The following RYK variants were observed in gnomAD, a reference collection of about 807,000 sequenced individuals.
RYK encodes inactive tyrosine-protein kinase RYK.
Under a neutral mutation model 70.2 loss-of-function variants are expected in RYK, and 21 were observed. That is an observed-to-expected ratio of 0.30 (90% CI 0.21 to 0.43). The LOEUF (loss-of-function observed/expected upper bound fraction) is 0.43, where lower values mean the gene tolerates loss of function less well. RYK is among the 20% of genes least tolerant of loss of function. The pLI is 1.00. For synonymous variants in RYK, 267 were observed against 278.0 expected (o/e 0.96, Z 0.39); for missense variants, 604 against 753.3 (o/e 0.80, Z 2.32).
intron 13 of RYK, 149 bp from the exon 14 acceptor site, chr3:134,159,522 A>T: frequency 1.5e-6 from 1 of 670,196 alleles, no homozygotes; most frequent in Non-Finnish European, 2.4e-6. Context: ...TCTATCATAC[A>T]CAGTTAGTTT....
chr3:134,243,540 C>G (rs949314216), intron 1 of RYK, among the ~76,000 whole-genome samples: 3 of 152,202 alleles, frequency 2.0e-5, no homozygotes, highest in Non-Finnish European at 2.9e-5. Context: ...TAACCTCAGC[C>G]TACCTTCCAG....
intron 4 of RYK, among the ~76,000 whole-genome samples, chr3:134,208,863 C>A (rs1344886719): frequency 6.6e-6 from 1 of 152,104 alleles, no homozygotes; most frequent in Non-Finnish European, 1.5e-5. Flanking sequence ...AGGTGTAATA[C>A]CTATCAAGCA....
chr3:134,238,941 A>G (rs1343384505), intron 1 of RYK, among the ~76,000 whole-genome samples: 4 of 152,188 alleles, frequency 2.6e-5, no homozygotes, highest in Non-Finnish European at 5.9e-5. Flanking sequence ...TCTCTTGAAT[A>G]CTTCACATCC....
chr3:134,176,523 G>C (rs2013103943), intron 11 of RYK, among the ~76,000 whole-genome samples: 2 of 151,972 alleles, frequency 1.3e-5, no homozygotes, highest in African/African-American at 4.8e-5. Flanking sequence ...AGGATCACTT[G>C]AGCCCAGGAG....
At chr3:134,164,992 T>C (rs186164108) in intron 13 of RYK, among the ~76,000 whole-genome samples, 2 of 152,344 alleles carry the variant, frequency 1.3e-5, no homozygotes, top group Non-Finnish European at 2.9e-5. Context: ...ATGTTGATAA[T>C]ATTTTTCAAA....
At chr3:134,246,354 A>AGAG (rs2015467954) in intron 1 of RYK, among the ~76,000 whole-genome samples, 2 of 143,228 alleles carry the variant, frequency 1.4e-5, no homozygotes, top group African/African-American at 5.1e-5. Flanking sequence ...AGAGAGAGAG[A>AGAG]AAATAAAGGG....
At chr3:134,209,190 C>T (rs748988268) in intron 4 of RYK, among the ~76,000 whole-genome samples, 5 of 152,036 alleles carry the variant, frequency 3.3e-5, no homozygotes, top group Admixed American at 6.6e-5. Context: ...TTTAATGAAC[C>T]GTAAAAAACA....
chr3:134,182,417 T>A (rs2108157224), intron 10 of RYK, among the ~76,000 whole-genome samples: 1 of 152,296 alleles, frequency 6.6e-6, no homozygotes, highest in African/African-American at 2.4e-5. Context: ...AACTATCTTC[T>A]TTTTATTGAA....
chr3:134,247,288 G>A (rs1447360050), intron 1 of RYK, among the ~76,000 whole-genome samples: 1 of 152,110 alleles, frequency 6.6e-6, no homozygotes, highest in African/African-American at 2.4e-5. Context: ...CATTGATTTA[G>A]AATGACGAAA....
At chr3:134,215,330 G>A (rs549865522) in intron 2 of RYK, among the ~76,000 whole-genome samples, 6 of 152,150 alleles carry the variant, frequency 3.9e-5, no homozygotes, top group Non-Finnish European at 8.8e-5. Context: ...GGCCAATGAG[G>A]GCACAGGGAG....
Position 134,203,173 on chromosome 3 carries a change from C to A in RYK, c.644-299G>T, listed in dbSNP as rs1435915985. 2.6e-5 allele frequency among the ~76,000 whole-genome samples: 4 copies of A among 152,116 alleles called. No individual in the cohort carries two copies. The East Asian group carries it at 7.7e-4, about 29-fold the overall frequency. On this transcript the variant is annotated intron_variant, in intron 5 of 14. Coordinates refer to ENST00000623711, the MANE Select transcript of RYK (RefSeq NM_002958.4). ...GACCACCCTGGCCAATATGGTGAAA[C>A]CCCGCCTCTACTAAAAGTACGAAAA...
chr3:134,169,966 GT>G (rs1229483001), intron 13 of RYK, among the ~76,000 whole-genome samples: 1 of 152,048 alleles, frequency 6.6e-6, no homozygotes, highest in Non-Finnish European at 1.5e-5. Context: ...CAACCCAAAT[GT>G]TAAAAAGCAA....
At chr3:134,235,214 T>C (rs564524149) in intron 1 of RYK, among the ~76,000 whole-genome samples, 11 of 152,030 alleles carry the variant, frequency 7.2e-5, no homozygotes, top group Non-Finnish European at 1.3e-4. Flanking sequence ...CCATCACAAA[T>C]GGTTTCAACT....
chr3:134,183,566 C>T lies in RYK; in HGVS notation c.1103-495G>A, dbSNP rs184071161. Reference sequence around the variant, plus strand: ...ATTGAGACACAAAAAATTCCACTACCTACTATTAAGAATTTGGGCAAGAGT... The same window carrying T: ...ATTGAGACACAAAAAATTCCACTACTTACTATTAAGAATTTGGGCAAGAGT... On this transcript the variant is annotated intron_variant, in intron 9 of 14. Coordinates refer to ENST00000623711, the MANE Select transcript of RYK (RefSeq NM_002958.4). Among the ~76,000 whole-genome samples, 10 of 152,260 alleles carry T rather than the reference C, an allele frequency of 6.6e-5. No individual in the cohort carries two copies. In the East Asian group the frequency reaches 1.9e-3, roughly 29 times the overall value.
chr3:134,167,190 C>T (rs1356134617), intron 13 of RYK, among the ~76,000 whole-genome samples: 2 of 152,072 alleles, frequency 1.3e-5, no homozygotes, highest in African/African-American at 4.8e-5. Flanking sequence ...CAGGAACAAT[C>T]AATATCGTGA....
chr3:134,178,125 G>A (rs886645794), intron 10 of RYK, 52 bp from the exon 11 acceptor site: 3 of 1,270,618 alleles, frequency 2.4e-6, no homozygotes, highest in East Asian at 2.4e-5. Flanking sequence ...AAAATGTTAG[G>A]GGCTTACTTC....
chr3:134,162,815 G>GA (rs2012522465), intron 13 of RYK, among the ~76,000 whole-genome samples: 1 of 152,180 alleles, frequency 6.6e-6, no homozygotes, highest in Non-Finnish European at 1.5e-5. Context: ...CCAAAGAAAT[G>GA]AAACTGGTCG....
chr3:134,249,266 G>C (rs949438394), intron 1 of RYK, among the ~76,000 whole-genome samples: 14 of 152,026 alleles, frequency 9.2e-5, no homozygotes, highest in African/African-American at 3.4e-4. Context: ...ATTCTTCTTT[G>C]GCTAAAAACT....
At chr3:134,163,310 C>A (rs1245940412) in intron 13 of RYK, among the ~76,000 whole-genome samples, 2 of 152,154 alleles carry the variant, frequency 1.3e-5, no homozygotes, top group African/African-American at 2.4e-5. Context: ...TCTCTAAGGT[C>A]TTCCGATAAC....
Sources: gnomAD v4.1 joint callset for allele counts (sites outside exome capture counted in the v4.1 genomes callset) on GRCh38, gnomAD v4.1.1 for gene constraint, MANE v1.5 for transcripts, NCBI Gene and HGNC (gene_info 2026-07-23, HGNC 2026-07-21) for gene names.